Variants in EXOC2 observed in about 807,000 individuals in gnomAD.
The protein encoded by EXOC2 is SEC5-like 1.
A neutral mutation model predicts 131.8 loss-of-function variants in EXOC2; 70 were observed. That is an observed-to-expected ratio of 0.53 (90% CI 0.44 to 0.65). EXOC2 has a LOEUF of 0.65. Among genes scored for constraint, EXOC2 ranks in the 30% least tolerant of loss-of-function variants. EXOC2 has a pLI of 0.00. For synonymous variants in EXOC2, 411 were observed against 398.4 expected (o/e 1.03, Z -0.38); for missense variants, 923 against 1,108.6 (o/e 0.83, Z 2.38).
intron 2 of EXOC2, among the ~76,000 whole-genome samples, chr6:634,540 T>C (rs1581599075): frequency 6.6e-6 from 1 of 152,224 alleles, no homozygotes; most frequent in East Asian, 1.9e-4. Context: ...AGTCAAATCA[T>C]CTTTTGTTCC....
At chr6:615,973 A>G (rs1241301401) in intron 6 of EXOC2, among the ~76,000 whole-genome samples, 21 of 152,246 alleles carry the variant, frequency 1.4e-4, no homozygotes, top group Non-Finnish European at 2.8e-4. Flanking sequence ...GATTATGCAC[A>G]TAAATGTCCT....
intron 23 of EXOC2, among the ~76,000 whole-genome samples, chr6:530,930 G>A (rs1341884723): frequency 6.6e-6 from 1 of 152,202 alleles, no homozygotes; most frequent in Non-Finnish European, 1.5e-5. Context: ...CACGGGCATT[G>A]TATTAGGTGT....
chr6:685,717 A>G (rs954934229), intron 1 of EXOC2, among the ~76,000 whole-genome samples: 1 of 152,074 alleles, frequency 6.6e-6, no homozygotes, highest in African/African-American at 2.4e-5. Flanking sequence ...CAAAAATACA[A>G]GCATGCACAG....
chr6:571,167 A>G (rs370826987), intron 13 of EXOC2, among the ~76,000 whole-genome samples: 1 of 152,354 alleles, frequency 6.6e-6, no homozygotes, highest in East Asian at 1.9e-4. Context: ...TGTATAGTCA[A>G]CTTTTCAATA....
At chr6:677,525 G>C (rs183984271) in intron 1 of EXOC2, among the ~76,000 whole-genome samples, 242 of 152,248 alleles carry the variant, frequency 1.6e-3, no homozygotes, top group African/African-American at 5.0e-3. Flanking sequence ...ATTTTATCCA[G>C]GTACTTAATT....
intron 13 of EXOC2, among the ~76,000 whole-genome samples, chr6:567,664 ATG>A (rs1018408870): frequency 4.0e-5 from 6 of 148,252 alleles, no homozygotes; most frequent in African/African-American, 1.5e-4. Flanking sequence ...CGTGTACATG[ATG>A]TGTTGTGTGT....
intron 23 of EXOC2, among the ~76,000 whole-genome samples, chr6:502,527 C>T (rs181691149): frequency 4.2e-4 from 64 of 152,204 alleles, no homozygotes; most frequent in African/African-American, 1.5e-3. Flanking sequence ...AAGAACCCAC[C>T]CGCCTAAGCA....
chr6:496,378 G>C (rs1763744563), intron 25 of EXOC2, among the ~76,000 whole-genome samples: 1 of 152,216 alleles, frequency 6.6e-6, no homozygotes, highest in Non-Finnish European at 1.5e-5. Flanking sequence ...TTAGCAAGCA[G>C]TTAACTTATT....
At chr6:522,168 G>T (rs1765502789) in intron 23 of EXOC2, among the ~76,000 whole-genome samples, 1 of 152,238 alleles carries the variant, frequency 6.6e-6, no homozygotes, top group Non-Finnish European at 1.5e-5. Context: ...CATCCAGACA[G>T]GTGGACCAGC....
chr6:580,145 G>A (rs1000208191), intron 11 of EXOC2, among the ~76,000 whole-genome samples: 5 of 151,830 alleles, frequency 3.3e-5, no homozygotes, highest in East Asian at 3.9e-4. Context: ...GGGTTCAAGC[G>A]ATTCTCTTGC....
intron 25 of EXOC2, among the ~76,000 whole-genome samples, chr6:493,424 A>G (rs1448325855): frequency 6.6e-6 from 1 of 152,236 alleles, no homozygotes; most frequent in Non-Finnish European, 1.5e-5. Flanking sequence ...ATTTTAGGAG[A>G]AAGATTAAAT....
At chr6:681,775 A>C (rs939727073) in intron 1 of EXOC2, among the ~76,000 whole-genome samples, 1 of 152,348 alleles carries the variant, frequency 6.6e-6, no homozygotes, top group Admixed American at 6.5e-5. Context: ...ACAGAAATGC[A>C]CTTGGAAATA....
rs1757115782 is a variant in EXOC2, at chr6:551,048, A to T, written c.2122-1757T>A. On this transcript the variant is annotated intron_variant, in intron 21 of 27. Transcript: ENST00000230449. ...AATGTAATCATTCAGATGCAATAAA[A>T]GTGGAAAGAAAAACTGAACAGCACA... Among the ~76,000 whole-genome samples, 3 of 152,260 alleles carry T rather than the reference A, an allele frequency of 2.0e-5. No homozygotes were observed. In the South Asian group the frequency reaches 6.2e-4, roughly 31 times the overall value.
intron 22 of EXOC2, among the ~76,000 whole-genome samples, chr6:535,048 A>G (rs1479700897): frequency 6.6e-6 from 1 of 152,254 alleles, no homozygotes; most frequent in Non-Finnish European, 1.5e-5. Flanking sequence ...AGAAAAACTT[A>G]AATCACTGCT....
chr6:662,533 A>C (rs1272537201), intron 1 of EXOC2, among the ~76,000 whole-genome samples: 1 of 152,236 alleles, frequency 6.6e-6, no homozygotes, highest in Non-Finnish European at 1.5e-5. Context: ...ATGGAAATTA[A>C]ATAACCTGCT....
chr6:687,644 A>G lies in EXOC2; in HGVS notation c.-44+5375T>C, dbSNP rs536295649. ...AAAGGAAACATCCTTGGATTTATTC[A>G]GTCAAATAAATGTTTATTATACACT... On this transcript the variant is annotated intron_variant, in intron 1 of 27. Transcript: ENST00000230449. Among the ~76,000 whole-genome samples, 6 of 152,338 alleles carry G rather than the reference A, an allele frequency of 3.9e-5. No homozygotes were observed. The East Asian group carries it at 9.6e-4, about 24-fold the overall frequency.
chr6:493,500 C>T lies in EXOC2; in HGVS notation c.2560-2314G>A, dbSNP rs2127471304. 1.3e-5 allele frequency among the ~76,000 whole-genome samples: 2 copies of T among 152,244 alleles called. 1 individual carries two copies. Among genetic ancestry groups the T allele is most frequent in the South Asian group, 4.1e-4 (2 of 4,822 alleles). ...AAGGTGATAGAGTGTTTTAATTAAC[C>T]TGTAAGTTATGCCAATTATAAAAAC... On this transcript the variant is annotated intron_variant, in intron 25 of 27. Coordinates refer to ENST00000230449, the MANE Select transcript of EXOC2 (RefSeq NM_018303.6).
chr6:584,563 C>G (rs927720743), intron 11 of EXOC2, among the ~76,000 whole-genome samples: 17 of 152,228 alleles, frequency 1.1e-4, no homozygotes, highest in African/African-American at 3.6e-4. Flanking sequence ...ATGTTTAGCA[C>G]AGCCTGTTAT....
At chr6:490,186 T>G (rs529325490) in intron 26 of EXOC2, among the ~76,000 whole-genome samples, 2 of 152,248 alleles carry the variant, frequency 1.3e-5, no homozygotes, top group African/African-American at 4.8e-5. Flanking sequence ...TTTGGCACAT[T>G]TTCTCATTTA....
Sources: gnomAD v4.1 joint callset for allele counts (sites outside exome capture counted in the v4.1 genomes callset) on GRCh38, gnomAD v4.1.1 for gene constraint, MANE v1.5 for transcripts, NCBI Gene and HGNC (gene_info 2026-07-23, HGNC 2026-07-21) for gene names.